PIEZO2: variants seen among roughly 807,000 people sequenced by gnomAD.
PIEZO2 encodes piezo-type mechanosensitive ion channel component 2.
Under a neutral mutation model 337.3 loss-of-function variants are expected in PIEZO2, and 172 were observed. The ratio of observed to expected loss-of-function variants is 0.51; its 90% CI spans 0.45 to 0.58. The LOEUF (loss-of-function observed/expected upper bound fraction) is 0.58, where lower values mean the gene tolerates loss of function less well. Among genes scored for constraint, PIEZO2 ranks in the 20% least tolerant of loss-of-function variants. PIEZO2 has a pLI of 0.00. For missense variants in PIEZO2, 3,028 were observed against 3,391.3 expected, an observed-to-expected ratio of 0.89 and a Z score of 2.66; for synonymous variants, 1,251 against 1,228.5, an observed-to-expected ratio of 1.02 and a Z score of -0.38.
At position 10,671,119 on chromosome 18, in the gene PIEZO2, G is replaced by T. The variant is rs2033752215; in HGVS notation, c.*408C>A. 6.3e-6 allele frequency: 1 copy of T among 157,712 alleles called. No homozygotes were observed. The highest frequency in any genetic ancestry group is 2.4e-5 in the African/African-American group (1 of 41,470). 9.8% of individuals were successfully genotyped at this position (157,712 alleles called of 1,614,324 possible). ...GTCTCATCACAGCAGCTTCCCCAGTGGGGATGGAGCGCTGTATATTGCATT... is the reference window on the plus strand; with the variant it reads ...GTCTCATCACAGCAGCTTCCCCAGTTGGGATGGAGCGCTGTATATTGCATT... On this transcript the variant is annotated 3_prime_UTR_variant, in exon 56 of 56. Coordinates refer to ENST00000674853, the MANE Select transcript of PIEZO2 (RefSeq NM_001378183.1).
rs1402093881 is a variant in PIEZO2 at position 10,952,305 on chromosome 18, T to C, written c.286+27230A>G. ...CTCAATTTCTTACAAATCCATACAG[T>C]CATTTAACTACCACTACTGTCAAAA... is the stretch of plus-strand genomic sequence containing the variant. On this transcript the variant is annotated intron_variant, in intron 3 of 55. Coordinates refer to ENST00000674853, the MANE Select transcript of PIEZO2 (RefSeq NM_001378183.1). The surrounding 1 kb of genome is among the most constrained non-coding windows in gnomAD (Gnocchi z 4.1). 6.6e-6 allele frequency among the ~76,000 whole-genome samples: 1 copy of C among 152,222 alleles called. No homozygotes were observed. The highest frequency in any genetic ancestry group is 1.9e-4 in the East Asian group (1 of 5,204).
chr18:10,748,672 AT>A lies in PIEZO2; in HGVS notation c.4265-43del, dbSNP rs1177537739. ...AAAACACACATTAAAATTAACATCC[AT>A]TTTCATTGTAATTTTATAAAATCTG... On this transcript the variant is annotated intron_variant, in intron 29 of 55. Transcript: ENST00000674853. The surrounding 1 kb of genome is among the most constrained non-coding windows in gnomAD (Gnocchi z 5.1). The A allele has an allele frequency of 9.4e-6, 13 of 1,384,962 alleles. No homozygotes were observed. In the Admixed American group the frequency reaches 3.0e-4, roughly 32 times the overall value. The allele number at this position is 1,384,962 out of a possible 1,614,324, so 85.8% of individuals were successfully genotyped here.
intron 7 of PIEZO2, among the ~76,000 whole-genome samples, chr18:10,814,757 A>G (rs1382614734): frequency 2.6e-5 from 4 of 152,164 alleles, no homozygotes; most frequent in Non-Finnish European, 5.9e-5. Context: ...GAGTATTCAG[A>G]AAGTTCATGA....
At chr18:11,055,093 C>A (rs2037674779) in intron 2 of PIEZO2, among the ~76,000 whole-genome samples, 1 of 151,902 alleles carries the variant, frequency 6.6e-6, no homozygotes, top group Admixed American at 6.6e-5. Flanking sequence ...CGCCTGTAGT[C>A]CCAGCTACTC....
At chr18:10,889,182 G>T (rs2042688438) in intron 4 of PIEZO2, among the ~76,000 whole-genome samples, 1 of 152,190 alleles carries the variant, frequency 6.6e-6, no homozygotes, top group South Asian at 2.1e-4. Flanking sequence ...CATCTTCTAG[G>T]TTTCAAATTC....
chr18:11,100,973 C>A (rs1043152548), intron 1 of PIEZO2, among the ~76,000 whole-genome samples: 3 of 152,180 alleles, frequency 2.0e-5, no homozygotes, highest in African/African-American at 2.4e-5. Context: ...AGAAGACCAA[C>A]TTAAACTCAG....
chr18:10,810,231 A>G (rs559394431), intron 7 of PIEZO2, among the ~76,000 whole-genome samples: 1 of 152,158 alleles, frequency 6.6e-6, no homozygotes, highest in African/African-American at 2.4e-5. Flanking sequence ...TTAAGAACTC[A>G]CAGATTCTAT....
intron 4 of PIEZO2, among the ~76,000 whole-genome samples, chr18:10,885,342 T>G (rs893270509): frequency 2.6e-5 from 4 of 152,116 alleles, no homozygotes; most frequent in African/African-American, 9.7e-5. Context: ...GAGAATGGCA[T>G]GAACCCGGGA....
chr18:10,689,532 T>G, intron 49 of PIEZO2, 123 bp downstream of exon 49: 14 of 1,274,876 alleles, frequency 1.1e-5, no homozygotes, highest in African/African-American at 1.5e-5. Flanking sequence ...CACTGGGACA[T>G]TTATAGGTTG....
intron 7 of PIEZO2, among the ~76,000 whole-genome samples, chr18:10,829,268 TAA>T (rs200409403): frequency 2.1e-5 from 3 of 142,970 alleles, no homozygotes; most frequent in Non-Finnish European, 4.6e-5. Context: ...CCAAAAACCC[TAA>T]AAAAAAAAAC....
intron 2 of PIEZO2, among the ~76,000 whole-genome samples, chr18:10,997,305 T>A (rs1325970846): frequency 6.6e-6 from 1 of 151,312 alleles, no homozygotes; most frequent in Non-Finnish European, 1.5e-5. Context: ...TGCAGAAGAT[T>A]TTAATATGAC....
intron 9 of PIEZO2, among the ~76,000 whole-genome samples, chr18:10,802,326 G>C (rs2039851981): frequency 6.6e-6 from 1 of 151,924 alleles, no homozygotes; most frequent in Non-Finnish European, 1.5e-5. Context: ...AAATCACTGA[G>C]GGTCCCAAAG....
intron 4 of PIEZO2, among the ~76,000 whole-genome samples, chr18:10,905,033 T>G (rs1260948114): frequency 1.3e-5 from 2 of 152,240 alleles, no homozygotes; most frequent in Non-Finnish European, 2.9e-5. Flanking sequence ...ATTTTGGTCT[T>G]AATCTTAAAT....
intron 4 of PIEZO2, among the ~76,000 whole-genome samples, chr18:10,906,582 A>G (rs1211115984): frequency 1.3e-5 from 2 of 151,296 alleles, no homozygotes; most frequent in African/African-American, 2.4e-5. Context: ...TTTTTTTGAG[A>G]CAGAGTCTTG....
intron 7 of PIEZO2, among the ~76,000 whole-genome samples, chr18:10,811,052 A>T (rs1026634489): frequency 6.6e-6 from 1 of 152,146 alleles, no homozygotes; most frequent in African/African-American, 2.4e-5. Context: ...TTGGTTCTTC[A>T]TCATTCTTTC....
rs2036532237 is a variant in PIEZO2, at chr18:10,726,239, G to A, written c.5029+5168C>T. ...GGCTTCACGCTGCCTGGGGCTGGAA[G>A]AGCTTGTGTGCGAGCCTGTGTTCGG... is the stretch of plus-strand genomic sequence containing the variant. On this transcript the variant is annotated intron_variant, in intron 36 of 55. Transcript: ENST00000674853. The surrounding 1 kb of genome is among the most constrained non-coding windows in gnomAD (Gnocchi z 5.9). 5.4e-6 allele frequency: 4 copies of A among 735,390 alleles called. No individual in the cohort carries two copies. The highest frequency in any genetic ancestry group is 4.0e-5 in the Admixed American group (2 of 49,558). 45.6% of individuals were successfully genotyped at this position (735,390 alleles called of 1,614,324 possible). A position where few individuals can be genotyped will look rare whatever the true frequency, so the allele number is the denominator to read the frequency against.
At chr18:10,977,763 C>T (rs1264776111) in intron 3 of PIEZO2, among the ~76,000 whole-genome samples, 1 of 152,114 alleles carries the variant, frequency 6.6e-6, no homozygotes, top group Non-Finnish European at 1.5e-5. Context: ...TTGATACATG[C>T]TACAACATTG....
chr18:10,807,156 AG>A lies in PIEZO2; in HGVS notation c.1035del (p.Tyr346ThrfsTer6). The A allele has an allele frequency of 6.5e-7, 1 of 1,537,280 alleles. No individual in the cohort carries two copies. The highest frequency in any genetic ancestry group is 8.7e-7 in the Non-Finnish European group (1 of 1,146,912). On this transcript the variant is annotated frameshift_variant, in exon 8 of 56. Coordinates refer to ENST00000674853, the MANE Select transcript of PIEZO2 (RefSeq NM_001378183.1). LOFTEE classifies it high-confidence loss of function. ...ATGCGGATCAGAGTGGCCAGAGTGT[AG>A]TACATCACCAGCAGGAGGATAGGGT... ...HANPILLLVM[Y>X]YTLATLIRIW...
rs145230703 is a variant in PIEZO2, at chr18:10,898,083, C to T, written c.329+13103G>A. Among the ~76,000 whole-genome samples, 111 of 152,340 alleles carry T rather than the reference C, an allele frequency of 7.3e-4. 1 individual carries two copies. Among genetic ancestry groups the T allele is most frequent in the African/African-American group, 2.4e-3 (98 of 41,574 alleles). ...ATTTTATATCTTCTTTGCATTAGGG[C>T]ATTGTGCTAAGCACACGCTCATGAA... On this transcript the variant is annotated intron_variant, in intron 4 of 55. Coordinates refer to ENST00000674853, the MANE Select transcript of PIEZO2 (RefSeq NM_001378183.1).
Sources: gnomAD v4.1 joint callset for allele counts (sites outside exome capture counted in the v4.1 genomes callset) on GRCh38, gnomAD v4.1.1 for gene constraint, Gnocchi (gnomAD v3.1) non-coding constraint, MANE v1.5 for transcripts, NCBI Gene and HGNC (gene_info 2026-07-23, HGNC 2026-07-21) for gene names.